The following CHST11 variants were observed in gnomAD, a reference collection of about 807,000 sequenced individuals.
CHST11 encodes carbohydrate sulfotransferase 11.
Under a neutral mutation model 30.4 loss-of-function variants are expected in CHST11, and 9 were observed. The observed-to-expected ratio is 0.30, with a 90% CI of 0.18 to 0.52. The LOEUF (loss-of-function observed/expected upper bound fraction) is 0.52. Ranked by LOEUF, CHST11 falls within the 20% of genes least tolerant of loss-of-function variation. The pLI, the probability that CHST11 is intolerant of heterozygous loss-of-function variation, is 0.97. For synonymous variants in CHST11, 152 were observed against 187.8 expected, an observed-to-expected ratio of 0.81 and a Z score of 1.56; for missense variants, 348 against 460.6, an observed-to-expected ratio of 0.76 and a Z score of 2.24.
intron 1 of CHST11, among the ~76,000 whole-genome samples, chr12:104,548,562 A>G (rs2038374836): frequency 2.0e-5 from 3 of 152,228 alleles, no homozygotes; most frequent in Admixed American, 2.0e-4. Flanking sequence ...AACGACACTA[A>G]CAATGTTTAA....
chr12:104,750,407 A>C (rs1326287999), intron 2 of CHST11, among the ~76,000 whole-genome samples: 5 of 85,652 alleles, frequency 5.8e-5, no homozygotes, highest in Non-Finnish European at 1.2e-4. Flanking sequence ...GTAGTTGTGT[A>C]CCTGGTTTTA....
rs573401286 is a variant in CHST11 at position 104,705,645 on chromosome 12, G to C, written c.205-51304G>C. Among the ~76,000 whole-genome samples, 211 of 152,332 alleles carry C rather than the reference G, an allele frequency of 1.4e-3. 1 individual carries two copies. In the Middle Eastern group the frequency reaches 0.017, roughly 12 times the overall value. ...GGTTAAATAACGTGGGCAGGGCCAGGCGCGGTGGCTCACACCTGTGATCCC... is the reference window on the plus strand; with the variant it reads ...GGTTAAATAACGTGGGCAGGGCCAGCCGCGGTGGCTCACACCTGTGATCCC... On this transcript the variant is annotated intron_variant, in intron 2 of 2. Coordinates refer to ENST00000303694, the MANE Select transcript of CHST11 (RefSeq NM_018413.6).
At chr12:104,641,241 C>T (rs1356070028) in intron 2 of CHST11, among the ~76,000 whole-genome samples, 1 of 152,184 alleles carries the variant, frequency 6.6e-6, no homozygotes, top group Non-Finnish European at 1.5e-5. Flanking sequence ...GGATGCCAGA[C>T]AAGAACTCAG....
intron 1 of CHST11, among the ~76,000 whole-genome samples, chr12:104,502,442 G>A (rs952113305): frequency 6.6e-6 from 1 of 151,984 alleles, no homozygotes; most frequent in Admixed American, 6.6e-5. Context: ...TACATTTTTC[G>A]AGTACCCATT....
chr12:104,467,989 G>A (rs1033813096), intron 1 of CHST11, among the ~76,000 whole-genome samples: 4 of 152,184 alleles, frequency 2.6e-5, no homozygotes, highest in African/African-American at 9.7e-5. Context: ...CTTACTAAGA[G>A]TTAAGCTCTG....
At chr12:104,712,690 T>TCCCTG (rs2040097316) in intron 2 of CHST11, among the ~76,000 whole-genome samples, 2 of 152,116 alleles carry the variant, frequency 1.3e-5, no homozygotes, top group Admixed American at 6.5e-5. Flanking sequence ...AGAGCCTCAG[T>TCCCTG]CCCTGAACAG....
chr12:104,522,130 A>G (rs2038079887), intron 1 of CHST11, among the ~76,000 whole-genome samples: 1 of 140,632 alleles, frequency 7.1e-6, no homozygotes, highest in East Asian at 1.9e-4. Flanking sequence ...TCTCCAATAC[A>G]TTTATCTCTG....
intron 1 of CHST11, among the ~76,000 whole-genome samples, chr12:104,486,321 A>G (rs936165522): frequency 1.4e-5 from 2 of 146,662 alleles, no homozygotes; most frequent in Admixed American, 6.8e-5. Context: ...TTTTTTTTTA[A>G]TGACACAGAA....
intron 2 of CHST11, among the ~76,000 whole-genome samples, chr12:104,712,912 A>G (rs1418348137): frequency 2.6e-5 from 4 of 151,596 alleles, no homozygotes; most frequent in East Asian, 1.9e-4. Context: ...GGACAGGGGG[A>G]TTGTTATTTT....
Position 104,760,758 on chromosome 12 carries a change from C to G in CHST11, c.*2955C>G, listed in dbSNP as rs1415322802. 2.0e-5 allele frequency: 3 copies of G among 152,080 alleles called. No individual in the cohort carries two copies. The highest frequency in any genetic ancestry group is 7.2e-5 in the African/African-American group (3 of 41,386). 9.4% of individuals were successfully genotyped at this position (152,080 alleles called of 1,614,324 possible). A position where few individuals can be genotyped will look rare whatever the true frequency, so the allele number is the denominator to read the frequency against. ...AGGGACTCTTTCTCCCCGTGTTTTG[C>G]TTTGTGTTCACATTTTCTTTTCTAA... is the stretch of plus-strand genomic sequence containing the variant. On this transcript the variant is annotated 3_prime_UTR_variant, in exon 3 of 3. Transcript: ENST00000303694.
At chr12:104,619,381 C>A (rs2039138630) in intron 2 of CHST11, among the ~76,000 whole-genome samples, 1 of 152,110 alleles carries the variant, frequency 6.6e-6, no homozygotes, top group Non-Finnish European at 1.5e-5. Context: ...ATTTTCCGGA[C>A]ACACACAAAA....
intron 1 of CHST11, among the ~76,000 whole-genome samples, chr12:104,507,665 C>T (rs2037919353): frequency 6.6e-6 from 1 of 152,184 alleles, no homozygotes; most frequent in African/African-American, 2.4e-5. Flanking sequence ...TGGCCTTGCT[C>T]ATGTCTGGAT....
intron 2 of CHST11, among the ~76,000 whole-genome samples, chr12:104,677,164 G>C (rs1170021292): frequency 4.6e-5 from 7 of 152,184 alleles, no homozygotes; most frequent in African/African-American, 1.7e-4. Flanking sequence ...TCAAAAATGG[G>C]AGCCATTATT....
intron 1 of CHST11, among the ~76,000 whole-genome samples, chr12:104,463,208 T>G (rs149345479): frequency 6.6e-6 from 1 of 152,208 alleles, no homozygotes; most frequent in African/African-American, 2.4e-5. Context: ...AAGGCTCTCA[T>G]GAAAGTCATT....
chr12:104,721,808 G>A (rs1338239288), intron 2 of CHST11, among the ~76,000 whole-genome samples: 1 of 152,172 alleles, frequency 6.6e-6, no homozygotes, highest in Non-Finnish European at 1.5e-5. Context: ...TCAAAGCACT[G>A]CCACATACAT....
intron 2 of CHST11, among the ~76,000 whole-genome samples, chr12:104,741,762 G>A (rs1416023288): frequency 1.3e-5 from 2 of 152,148 alleles, no homozygotes; most frequent in Non-Finnish European, 2.9e-5. Context: ...TAAAAGCGAC[G>A]CTCAATCATC....
intron 1 of CHST11, among the ~76,000 whole-genome samples, chr12:104,563,789 G>T (rs1031298656): frequency 1.3e-5 from 2 of 151,950 alleles, no homozygotes; most frequent in Admixed American, 1.3e-4. Flanking sequence ...GGTTTTCAGC[G>T]CACATGTAAG....
chr12:104,460,720 T>G (rs896748021), intron 1 of CHST11, among the ~76,000 whole-genome samples: 3 of 151,322 alleles, frequency 2.0e-5, no homozygotes, highest in African/African-American at 7.3e-5. Flanking sequence ...TGGCTGTCCC[T>G]CTCTCTGATT....
rs898708554 is a variant in CHST11 at position 104,709,149 on chromosome 12, A to T, written c.205-47800A>T. Reference sequence around the variant, plus strand: ...GACAAAGAAACTGCAAAACAAAGAAATGCTTAAAACTTGACCAGAAAGCAA... The same window carrying T: ...GACAAAGAAACTGCAAAACAAAGAATTGCTTAAAACTTGACCAGAAAGCAA... On this transcript the variant is annotated intron_variant, in intron 2 of 2. Transcript: ENST00000303694. 1.6e-4 allele frequency among the ~76,000 whole-genome samples: 24 copies of T among 152,304 alleles called. 1 individual carries two copies. The highest frequency in any genetic ancestry group is 1.0e-3 in the Admixed American group (16 of 15,300).
Sources: allele counts gnomAD v4.1 joint callset (sites outside exome capture counted in the v4.1 genomes callset), GRCh38; gene constraint gnomAD v4.1.1; transcripts MANE v1.5; gene names NCBI Gene and HGNC (gene_info 2026-07-23, HGNC 2026-07-21).